LRP1B: variants seen among roughly 807,000 people sequenced by gnomAD.
LRP1B encodes low-density lipoprotein receptor-related protein 1B.
LRP1B carries 217 observed loss-of-function variants against 556.6 expected under a neutral mutation model. The observed-to-expected ratio is 0.39, with a 90% confidence interval of 0.35 to 0.44. The LOEUF is 0.44. Ranked by LOEUF, LRP1B falls within the 20% of genes least tolerant of loss-of-function variation. The probability of loss-of-function intolerance (pLI) is 1.00; values close to 1 mark genes in which losing one functional copy is unlikely to be tolerated. For synonymous variants in LRP1B, 2,047 were observed against 1,865.8 expected (o/e 1.10, Z -2.50); for missense variants, 5,053 against 5,620.8 (o/e 0.90, Z 3.23).
At chr2:141,145,922 C>CTTTTTTTTTTTTTTTTTT (rs70991144) in intron 7 of LRP1B, among the ~76,000 whole-genome samples, 1 of 67,206 alleles carries the variant, frequency 1.5e-5, no homozygotes, top group African/African-American at 6.3e-5. Context: ...TTCTTTCTTT[C>CTTTTTTTTTTTTTTTTTT]TTTTTTTTTT....
chr2:140,756,343 A>G (rs1178059251), intron 35 of LRP1B, among the ~76,000 whole-genome samples: 2 of 152,066 alleles, frequency 1.3e-5, no homozygotes, highest in Non-Finnish European at 2.9e-5. Flanking sequence ...CCTTAAACTC[A>G]TAAGACAATA....
At chr2:140,399,758 G>A (rs568152807) in intron 66 of LRP1B, among the ~76,000 whole-genome samples, 1 of 152,242 alleles carries the variant, frequency 6.6e-6, no homozygotes, top group East Asian at 1.9e-4. Flanking sequence ...AAGACTTTAT[G>A]GAAAAGCTAA....
intron 2 of LRP1B, among the ~76,000 whole-genome samples, chr2:141,720,319 A>G (rs1027619342): frequency 1.3e-5 from 2 of 152,134 alleles, no homozygotes; most frequent in Non-Finnish European, 2.9e-5. Flanking sequence ...AGTGGCAACA[A>G]TGTATCTTTT....
intron 2 of LRP1B, among the ~76,000 whole-genome samples, chr2:141,677,732 G>A (rs112243999): frequency 0.14 from 21,937 of 152,028 alleles, 2,341 homozygotes; most frequent in African/African-American, 0.29. Context: ...CGGGTGATCC[G>A]CCCGCCTTGG....
chr2:140,776,928 TA>T (rs1204680161), intron 32 of LRP1B, among the ~76,000 whole-genome samples: 1 of 152,150 alleles, frequency 6.6e-6, no homozygotes, highest in African/African-American at 2.4e-5. Flanking sequence ...AGCAAAACTG[TA>T]AGGAAATGAT....
At chr2:141,857,756 TA>T (rs1698107316) in intron 1 of LRP1B, among the ~76,000 whole-genome samples, 1 of 152,192 alleles carries the variant, frequency 6.6e-6, no homozygotes. Context: ...CAACATTACA[TA>T]AGGCTTTCAC....
chr2:141,058,862 TAAA>T lies in LRP1B; in HGVS notation c.1408+18_1408+20del. ...ATTCAATCTACCATTAGGAAGGTAA[TAAA>T]GAAGCTTTCCCACTTACCTGTTGGT... On this transcript the variant is annotated intron_variant, in intron 9 of 90. Coordinates refer to ENST00000389484, the MANE Select transcript of LRP1B (RefSeq NM_018557.3). 1 of 1,562,518 alleles carries T rather than the reference TAAA, an allele frequency of 6.4e-7. No individual in the cohort carries two copies. The highest frequency in any genetic ancestry group is 8.7e-7 in the Non-Finnish European group (1 of 1,155,238).
intron 35 of LRP1B, among the ~76,000 whole-genome samples, chr2:140,766,866 A>ATATATATATAT (rs1203989037): frequency 8.6e-6 from 1 of 116,362 alleles, no homozygotes; most frequent in East Asian, 3.1e-4. Flanking sequence ...ATATATATAT[A>ATATATATATAT]ATATATATAA....
rs2105231561 is a variant in LRP1B, at chr2:140,907,876, C to T, written c.3520+1G>A. On this transcript the variant is annotated splice_donor_variant, in intron 22 of 90. Coordinates refer to ENST00000389484, the MANE Select transcript of LRP1B (RefSeq NM_018557.3). LOFTEE classifies it high-confidence loss of function. ...AGTCAGTACAATTAAACATGCAATACCACAGAGATAGCCTTCATCAGAGCC... is the reference window on the plus strand; with the variant it reads ...AGTCAGTACAATTAAACATGCAATATCACAGAGATAGCCTTCATCAGAGCC... 1 of 1,613,160 alleles carries T rather than the reference C, an allele frequency of 6.2e-7. No individual in the cohort carries two copies. Among genetic ancestry groups the T allele is most frequent in the Non-Finnish European group, 8.5e-7 (1 of 1,179,324 alleles).
intron 1 of LRP1B, among the ~76,000 whole-genome samples, chr2:141,981,061 C>T (rs909712653): frequency 2.0e-5 from 3 of 151,998 alleles, no homozygotes; most frequent in African/African-American, 7.2e-5. Flanking sequence ...CTCAGCTCTG[C>T]CATTAACAAC....
At chr2:141,757,258 T>C (rs766144306) in intron 2 of LRP1B, among the ~76,000 whole-genome samples, 1 of 152,110 alleles carries the variant, frequency 6.6e-6, no homozygotes, top group Non-Finnish European at 1.5e-5. Context: ...CACTTACAAG[T>C]CATTGGTAAT....
intron 7 of LRP1B, among the ~76,000 whole-genome samples, chr2:141,165,148 G>T (rs561829541): frequency 6.6e-6 from 1 of 151,970 alleles, no homozygotes; most frequent in Non-Finnish European, 1.5e-5. Context: ...ATTAAAAGTA[G>T]CCAGAGAGCT....
At chr2:141,845,930 C>A (rs1397672037) in intron 1 of LRP1B, among the ~76,000 whole-genome samples, 1 of 151,272 alleles carries the variant, frequency 6.6e-6, no homozygotes, top group African/African-American at 2.4e-5. Context: ...AACAGCAGAA[C>A]AGATTAATCT....
intron 1 of LRP1B, among the ~76,000 whole-genome samples, chr2:141,834,695 C>T (rs1697212296): frequency 6.6e-6 from 1 of 151,886 alleles, no homozygotes; most frequent in Admixed American, 6.6e-5. Flanking sequence ...ATCAAGTGTC[C>T]AGTTTCACAG....
At chr2:141,076,268 C>T (rs1322093381) in intron 7 of LRP1B, among the ~76,000 whole-genome samples, 2 of 152,174 alleles carry the variant, frequency 1.3e-5, no homozygotes, top group Admixed American at 6.5e-5. Context: ...ATTGCAGATG[C>T]TTCTAGGCCA....
intron 60 of LRP1B, among the ~76,000 whole-genome samples, chr2:140,460,525 G>A (rs1281635333): frequency 6.6e-6 from 1 of 152,108 alleles, no homozygotes; most frequent in African/African-American, 2.4e-5. Context: ...TAAGAGAAAA[G>A]TTATATGACC....
At chr2:141,478,934 T>C (rs1405302141) in intron 3 of LRP1B, among the ~76,000 whole-genome samples, 1 of 152,196 alleles carries the variant, frequency 6.6e-6, no homozygotes, top group African/African-American at 2.4e-5. Flanking sequence ...CATTCATTAT[T>C]ATTACATATG....
At chr2:141,214,551 T>TAA (rs1308154087) in intron 6 of LRP1B, among the ~76,000 whole-genome samples, 2 of 152,216 alleles carry the variant, frequency 1.3e-5, no homozygotes, top group Non-Finnish European at 2.9e-5. Flanking sequence ...AATAAAGGGT[T>TAA]AAAAGTCTGC....
intron 66 of LRP1B, among the ~76,000 whole-genome samples, chr2:140,405,511 A>G (rs1573899846): frequency 6.6e-6 from 1 of 152,218 alleles, no homozygotes; most frequent in African/African-American, 2.4e-5. Flanking sequence ...AGCTCAATTA[A>G]AAATGAAAGT....
Sources: allele counts gnomAD v4.1 joint callset (sites outside exome capture counted in the v4.1 genomes callset), GRCh38; gene constraint gnomAD v4.1.1; transcripts MANE v1.5; gene names NCBI Gene and HGNC (gene_info 2026-07-23, HGNC 2026-07-21).